Variants in GLIS3 observed in about 807,000 individuals in gnomAD.
GLIS3 encodes zinc finger protein GLIS3.
In GLIS3, 53 loss-of-function variants were observed where a neutral mutation model predicts 78.6. That is an observed-to-expected ratio of 0.67 (90% confidence interval 0.54 to 0.85). The LOEUF is 0.85. GLIS3 is among the 40% of genes least tolerant of loss of function. The probability of loss-of-function intolerance (pLI) is 0.00; values close to 1 mark genes in which losing one functional copy is unlikely to be tolerated. For missense variants in GLIS3, 1,703 were observed against 1,231.1 expected, an observed-to-expected ratio of 1.38 and a Z score of -5.74; for synonymous variants, 684 against 509.9, an observed-to-expected ratio of 1.34 and a Z score of -4.60.
chr9:4,379,146 C>T, the GLIS3 span, among the ~76,000 whole-genome samples: 77 of 152,258 alleles, frequency 5.1e-4, no homozygotes, highest in East Asian at 1.7e-3. Context: ...TGTTGTCCAG[C>T]GCCCCATCAC....
intron 2 of GLIS3, among the ~76,000 whole-genome samples, chr9:4,334,237 G>A (rs909506240): frequency 6.6e-6 from 1 of 152,214 alleles, no homozygotes; most frequent in Non-Finnish European, 1.5e-5. Context: ...GTAAATTCCA[G>A]GCAGGTTCTA....
the GLIS3 span, among the ~76,000 whole-genome samples, chr9:4,476,297 G>A: frequency 2.0e-5 from 3 of 151,902 alleles, no homozygotes; most frequent in Non-Finnish European, 4.4e-5. Context: ...TATCTTTACT[G>A]GTGTATCTCT....
At chr9:3,929,533 C>T (rs1175606674) in intron 6 of GLIS3, among the ~76,000 whole-genome samples, 1 of 152,014 alleles carries the variant, frequency 6.6e-6, no homozygotes, top group Non-Finnish European at 1.5e-5. Context: ...GTCACTGGCC[C>T]CGATTCCACA....
intron 4 of GLIS3, among the ~76,000 whole-genome samples, chr9:4,107,276 G>A (rs1276327507): frequency 5.3e-5 from 8 of 152,064 alleles, no homozygotes; most frequent in East Asian, 3.9e-4. Context: ...ACCAATACTC[G>A]GTGTTTAAGT....
At chr9:3,898,593 A>G (rs1032521326) in intron 7 of GLIS3, 98 bp downstream of exon 7, 3 of 1,449,316 alleles carry the variant, frequency 2.1e-6, no homozygotes, top group Admixed American at 3.4e-5. Context: ...AACACAGACG[A>G]TCTTAGGAAA....
the GLIS3 span, among the ~76,000 whole-genome samples, chr9:4,358,818 A>G: frequency 6.6e-6 from 1 of 152,190 alleles, no homozygotes; most frequent in Non-Finnish European, 1.5e-5. Context: ...GAGGTGTGTA[A>G]AAGGTCCCTG....
At chr9:4,456,776 G>C in the GLIS3 span, among the ~76,000 whole-genome samples, 1 of 152,056 alleles carries the variant, frequency 6.6e-6, no homozygotes, top group African/African-American at 2.4e-5. Context: ...CCTGAGGAGA[G>C]GGAAAAAATG....
intron 2 of GLIS3, among the ~76,000 whole-genome samples, chr9:4,161,863 T>C (rs1835507768): frequency 2.4e-5 from 3 of 123,940 alleles, no homozygotes; most frequent in South Asian, 2.7e-4. Flanking sequence ...TTTTTTTTTT[T>C]CAGTAGAGAT....
chr9:4,108,011 G>A (rs903566170), intron 4 of GLIS3, among the ~76,000 whole-genome samples: 3 of 152,082 alleles, frequency 2.0e-5, no homozygotes, highest in Admixed American at 6.6e-5. Flanking sequence ...GTTGAGCCAC[G>A]TGCTATGGTT....
intron 4 of GLIS3, among the ~76,000 whole-genome samples, chr9:4,033,864 TAAAAAAA>T (rs34745570): frequency 5.9e-5 from 4 of 67,998 alleles, no homozygotes; most frequent in South Asian, 8.2e-4. Flanking sequence ...AGGCGAAGGA[TAAAAAAA>T]AAAAAAAAAA....
chr9:3,849,213 C>T (rs978177814), intron 9 of GLIS3, among the ~76,000 whole-genome samples: 4 of 152,170 alleles, frequency 2.6e-5, no homozygotes, highest in African/African-American at 9.7e-5. Context: ...GGGTAGTCTA[C>T]CCCGACTTCC....
intron 3 of GLIS3, chr9:4,123,871 A>C: frequency 2.5e-6 from 1 of 398,006 alleles, no homozygotes; most frequent in Non-Finnish European, 4.4e-6. Context: ...TTACATCTTC[A>C]GGAAAAACAA....
intron 2 of GLIS3, among the ~76,000 whole-genome samples, chr9:4,149,155 C>A (rs866978469): frequency 6.6e-6 from 1 of 152,104 alleles, no homozygotes; most frequent in Non-Finnish European, 1.5e-5. Context: ...GATAGTGATT[C>A]ATCTATACAT....
chr9:4,478,387 G>C, the GLIS3 span, among the ~76,000 whole-genome samples: 2 of 152,192 alleles, frequency 1.3e-5, no homozygotes, highest in African/African-American at 4.8e-5. Flanking sequence ...CAAGGCGGGA[G>C]ATCACTTGAG....
intron 2 of GLIS3, among the ~76,000 whole-genome samples, chr9:4,231,520 T>C (rs553511518): frequency 2.6e-5 from 4 of 152,158 alleles, no homozygotes; most frequent in South Asian, 2.1e-4. Context: ...AGTCCTTAGA[T>C]AGAAAGCATG....
chr9:3,874,736 C>A (rs1245698530), intron 8 of GLIS3, among the ~76,000 whole-genome samples: 1 of 152,234 alleles, frequency 6.6e-6, no homozygotes, highest in Non-Finnish European at 1.5e-5. Context: ...GGGAAAACCC[C>A]CACACAGTTG....
At chr9:4,123,675 A>G in intron 3 of GLIS3, 1 of 393,356 alleles carries the variant, frequency 2.5e-6, no homozygotes, top group African/African-American at 2.1e-5. Flanking sequence ...ATTAAAAACT[A>G]TGTAGATTAC....
intron 4 of GLIS3, among the ~76,000 whole-genome samples, chr9:3,944,358 A>G (rs1816146143): frequency 6.6e-6 from 1 of 152,242 alleles, no homozygotes; most frequent in Non-Finnish European, 1.5e-5. Flanking sequence ...TTATATCATA[A>G]CTGGGAAAAG....
chr9:4,162,693 A>ACC (rs1361401204), intron 2 of GLIS3, among the ~76,000 whole-genome samples: 11 of 151,500 alleles, frequency 7.3e-5, no homozygotes, highest in South Asian at 6.3e-4. Flanking sequence ...CATCTCTATT[A>ACC]AAAAATACAA....
Sources: allele counts gnomAD v4.1 joint callset (sites outside exome capture counted in the v4.1 genomes callset), GRCh38; gene constraint gnomAD v4.1.1; transcripts MANE v1.5; gene names NCBI Gene and HGNC (gene_info 2026-07-23, HGNC 2026-07-21).